GLRA2: variants seen among roughly 807,000 people sequenced by gnomAD.
The protein encoded by GLRA2 is glycine receptor alpha 2.
A neutral mutation model predicts 31.6 loss-of-function variants in GLRA2; 11 were observed. The ratio of observed to expected loss-of-function variants is 0.35; its 90% CI spans 0.22 to 0.58. The LOEUF is 0.58. Ranked by LOEUF, GLRA2 falls within the 20% of genes least tolerant of loss-of-function variation. The pLI, the probability that GLRA2 is intolerant of heterozygous loss-of-function variation, is 0.84. For missense variants in GLRA2, 212 were observed against 351.8 expected (o/e 0.60, Z 3.18); for synonymous variants, 132 against 134.0 (o/e 0.99, Z 0.10).
the GLRA2 span, among the ~76,000 whole-genome samples, chrX:14,480,432 T>C: frequency 4.3e-4 from 48 of 112,029 alleles, no homozygotes; most frequent in Non-Finnish European, 7.5e-4. Context: ...TCATAAATTC[T>C]TTCCCAAGGC....
chrX:14,532,126 C>A, intron 1 of GLRA2, 113 bp from the exon 2 acceptor site: 2 of 487,741 alleles, frequency 4.1e-6, no homozygotes, highest in South Asian at 8.7e-5. Flanking sequence ...TAGTTTTCTT[C>A]ATACTAACAT....
intron 4 of GLRA2, among the ~76,000 whole-genome samples, chrX:14,588,382 A>T (rs1009794083): frequency 9.0e-6 from 1 of 111,517 alleles, no homozygotes; most frequent in East Asian, 2.8e-4. Context: ...TTTGTCAAAG[A>T]TCAGCTGGTT....
At chrX:14,514,373 T>A in the GLRA2 span, among the ~76,000 whole-genome samples, 4 of 109,192 alleles carry the variant, frequency 3.7e-5, no homozygotes, top group Admixed American at 2.0e-4. Flanking sequence ...ACCAAACACC[T>A]CCTGTTCCCC....
At chrX:14,572,441 CAT>C (rs1468610583) in intron 2 of GLRA2, among the ~76,000 whole-genome samples, 2 of 112,275 alleles carry the variant, frequency 1.8e-5, no homozygotes, top group African/African-American at 6.5e-5. Flanking sequence ...AAAAAGCAAA[CAT>C]ATATAATTTC....
chrX:14,688,777 G>A (rs1009328413), intron 7 of GLRA2, among the ~76,000 whole-genome samples: 20 of 109,903 alleles, frequency 1.8e-4, no homozygotes, highest in South Asian at 7.9e-4. Context: ...ACCCTGGTCC[G>A]GCTCACGCTC....
At chrX:14,456,597 A>G in the GLRA2 span, among the ~76,000 whole-genome samples, 3 of 111,913 alleles carry the variant, frequency 2.7e-5, no homozygotes, top group East Asian at 8.4e-4. Flanking sequence ...CATATGAGTG[A>G]GGACATGTGG....
chrX:14,610,068 T>A (rs777417840), intron 7 of GLRA2, among the ~76,000 whole-genome samples: 1 of 112,346 alleles, frequency 8.9e-6, no homozygotes, highest in African/African-American at 3.2e-5. Flanking sequence ...CTGAGCACAC[T>A]GAGCCATTGG....
the GLRA2 span, among the ~76,000 whole-genome samples, chrX:14,454,202 A>ACC: frequency 2.7e-5 from 2 of 73,131 alleles, no homozygotes; most frequent in African/African-American, 1.2e-4. Context: ...ACACACACAC[A>ACC]CACACACACA....
intron 8 of GLRA2, among the ~76,000 whole-genome samples, chrX:14,724,748 T>C (rs1025235283): frequency 2.6e-4 from 28 of 108,666 alleles, no homozygotes; most frequent in Admixed American, 9.1e-4. Context: ...AAAGAGATAA[T>C]ACATTGACAT....
At chrX:14,477,917 G>A in the GLRA2 span, among the ~76,000 whole-genome samples, 1 of 110,884 alleles carries the variant, frequency 9.0e-6, no homozygotes, top group East Asian at 2.8e-4. Context: ...CAGACTTGAA[G>A]TTGTGACCTA....
intron 7 of GLRA2, among the ~76,000 whole-genome samples, chrX:14,684,021 A>T (rs1159355338): frequency 2.7e-5 from 3 of 111,616 alleles, no homozygotes; most frequent in Non-Finnish European, 3.8e-5. Flanking sequence ...ACAGAATAGT[A>T]AAACTTGGGT....
intron 8 of GLRA2, among the ~76,000 whole-genome samples, chrX:14,715,749 A>G (rs1401716985): frequency 8.9e-6 from 1 of 111,759 alleles, no homozygotes; most frequent in Non-Finnish European, 1.9e-5. Context: ...ATGTAATCCT[A>G]TGAGAGAAGT....
At position 14,690,819 on chromosome X, in the gene GLRA2, A is replaced by G. The variant is rs2091340392; in HGVS notation, c.1040A>G (p.Glu347Gly). Residue 347 changes from glutamate to glycine, a missense_variant, in exon 8 of 9, where the codon GAG (glutamate) becomes GGG (glycine). Physicochemically the swap from Glu to Gly is moderately conservative, Grantham distance 98. Around this residue, in one of 5 missense-constraint regions of GLRA2, gnomAD observed 25 missense variants for 20.8 expected, o/e 1.20. Transcript: ENST00000218075. Reference sequence around the variant, plus strand: ...AACTTCGTCTCCAGGCAACACAAGGAGTTCCTGCGCCTCCGAAGAAGACAG... The same window carrying G: ...AACTTCGTCTCCAGGCAACACAAGGGGTTCCTGCGCCTCCGAAGAAGACAG... Reference protein sequence around the residue: ...AVNFVSRQHKEFLRLRRRQKR... With the variant: ...AVNFVSRQHKGFLRLRRRQKR... 1 of 1,204,527 alleles carries G rather than the reference A, an allele frequency of 8.3e-7. No individual in the cohort carries two copies. The highest frequency in any genetic ancestry group is 1.1e-6 in the Non-Finnish European group (1 of 890,747).
intron 2 of GLRA2, among the ~76,000 whole-genome samples, chrX:14,551,735 C>T (rs1291490580): frequency 1.8e-5 from 2 of 111,366 alleles, no homozygotes; most frequent in East Asian, 2.8e-4. Flanking sequence ...AGTTTTTCTC[C>T]GGACCCTAGG....
the GLRA2 span, among the ~76,000 whole-genome samples, chrX:14,471,406 A>G: frequency 2.7e-5 from 3 of 111,752 alleles, no homozygotes; most frequent in African/African-American, 6.5e-5. Flanking sequence ...ACTACAGGTC[A>G]TGAAGTGATT....
intron 4 of GLRA2, among the ~76,000 whole-genome samples, chrX:14,602,887 C>T (rs761579706): frequency 8.9e-6 from 1 of 111,765 alleles, no homozygotes; most frequent in African/African-American, 3.2e-5. Flanking sequence ...CTGCTATAAA[C>T]GTGTGTGCAA....
intron 8 of GLRA2, among the ~76,000 whole-genome samples, chrX:14,718,970 G>A (rs1299407747): frequency 1.8e-5 from 2 of 111,707 alleles, no homozygotes; most frequent in African/African-American, 3.3e-5. Context: ...AAGTCACAAT[G>A]AAGAAACCAT....
At position 14,642,128 on chromosome X, in the gene GLRA2, G is replaced by A. The variant is rs1303038984; in HGVS notation, c.930+32923G>A. Among the ~76,000 whole-genome samples, 3 of 111,387 alleles carry A rather than the reference G, an allele frequency of 2.7e-5. No individual in the cohort carries two copies. The East Asian group carries it at 8.5e-4, about 31-fold the overall frequency. ...CTCCTATAAAGGTTATATATTCCAG[G>A]GCATCCAAGTGGCCAGAGAAAGCAA... On this transcript the variant is annotated intron_variant, in intron 7 of 8. Coordinates refer to ENST00000218075, the MANE Select transcript of GLRA2 (RefSeq NM_002063.4).
At chrX:14,521,029 T>C in the GLRA2 span, among the ~76,000 whole-genome samples, 1 of 112,701 alleles carries the variant, frequency 8.9e-6, no homozygotes, top group African/African-American at 3.2e-5. Flanking sequence ...ATAAAGGACA[T>C]ATGGGCCAAT....
Sources: allele counts gnomAD v4.1 joint callset (sites outside exome capture counted in the v4.1 genomes callset), GRCh38; gene constraint gnomAD v4.1.1; regional missense constraint gnomAD v4.1.1; transcripts MANE v1.5; gene names NCBI Gene and HGNC (gene_info 2026-07-23, HGNC 2026-07-21).